The following RBM25 variants were observed in gnomAD, a reference collection of about 807,000 sequenced individuals.
RBM25 encodes the protein RNA binding motif protein 25, also known as RNA-binding protein 25.
RBM25 carries 19 observed loss-of-function variants against 120.7 expected under a neutral mutation model. The observed-to-expected ratio is 0.16, with a 90% CI of 0.11 to 0.23. The LOEUF (loss-of-function observed/expected upper bound fraction) is 0.23. Ranked by LOEUF, RBM25 falls within the 10% of genes least tolerant of loss-of-function variation. RBM25 has a pLI of 1.00. For synonymous variants in RBM25, 390 were observed against 326.7 expected (o/e 1.19, Z -2.09); for missense variants, 605 against 1,041.5 (o/e 0.58, Z 5.77).
intron 13 of RBM25, among the ~76,000 whole-genome samples, chr14:73,108,807 A>G (rs1896243752): frequency 6.6e-6 from 1 of 152,232 alleles, no homozygotes; most frequent in Non-Finnish European, 1.5e-5. Flanking sequence ...AATCAGTAAA[A>G]TATTGAAGGC....
Position 73,119,868 on chromosome 14 carries a change from A to G in RBM25, c.*63A>G, listed in dbSNP as rs1448151738. ...TTTGCCACCCTTTTAAGGACTTTGA[A>G]TTTTTCTTTGTCTTTGAAGACATTG... is the stretch of plus-strand genomic sequence containing the variant. On this transcript the variant is annotated 3_prime_UTR_variant, in exon 19 of 19. Coordinates refer to ENST00000261973, the MANE Select transcript of RBM25 (RefSeq NM_021239.3). The G allele has an allele frequency of 6.5e-7, 1 of 1,534,042 alleles. No individual in the cohort carries two copies. The highest frequency in any genetic ancestry group is 2.4e-5 in the East Asian group (1 of 42,008).
At chr14:73,108,003 C>G (rs1293660672) in intron 13 of RBM25, 104 bp downstream of exon 13, 5 of 751,122 alleles carry the variant, frequency 6.7e-6, no homozygotes, top group Non-Finnish European at 1.1e-5. Flanking sequence ...ATAAGAAAAA[C>G]AAACTTTCAC....
chr14:73,092,332 A>G (rs1895837292), intron 6 of RBM25, among the ~76,000 whole-genome samples: 1 of 152,134 alleles, frequency 6.6e-6, no homozygotes, highest in East Asian at 1.9e-4. Context: ...GTATAAAAAT[A>G]TGACATGGTG....
rs752493053 is a variant in RBM25 at position 73,099,688 on chromosome 14, A to G, written c.805A>G (p.Met269Val). ...ITKEDINAIE[M>V]EEDKRDLISR... The stretch of plus-strand genomic sequence containing the variant: ...TTAGGAGGATATAAATGCTATAGAA[A>G]TGGAAGAAGACAAAAGAGACCTGAT... The change falls in exon 9 of 19, where the codon ATG (methionine) becomes GTG (valine). Residue 269 changes from methionine (M) to valine (V), a missense_variant. Transcript: ENST00000261973. 2 of 1,604,838 alleles carry G rather than the reference A, an allele frequency of 1.2e-6. No individual in the cohort carries two copies. Among genetic ancestry groups the G allele is most frequent in the East Asian group, 2.2e-5 (1 of 44,734 alleles).
chr14:73,076,443 T>C, intron 3 of RBM25, 75 bp downstream of exon 3: 1 of 1,297,812 alleles, frequency 7.7e-7, no homozygotes, highest in Non-Finnish European at 1.1e-6. Context: ...ATGATAAACT[T>C]AGATAAATTA....
rs1895270657 is a variant in RBM25, at chr14:73,070,837, C to T, written c.-15-790C>T. Reference sequence around the variant, plus strand: ...TGGCGCGCACATGTAATCCCAGCTACTCAGGAAGCTGAGGCAGGAGAATTG... The same window carrying T: ...TGGCGCGCACATGTAATCCCAGCTATTCAGGAAGCTGAGGCAGGAGAATTG... On this transcript the variant is annotated intron_variant, in intron 1 of 18. Coordinates refer to ENST00000261973, the MANE Select transcript of RBM25 (RefSeq NM_021239.3). 2.0e-5 allele frequency among the ~76,000 whole-genome samples: 3 copies of T among 150,494 alleles called. No individual in the cohort carries two copies. In the South Asian group the frequency reaches 6.3e-4, roughly 32 times the overall value.
Position 73,122,138 on chromosome 14 carries a change from T to C in RBM25, c.*2333T>C, listed in dbSNP as rs1454789065. 3 of 152,198 alleles carry C rather than the reference T, an allele frequency of 2.0e-5. No individual in the cohort carries two copies. Among genetic ancestry groups the C allele is most frequent in the Non-Finnish European group, 4.4e-5 (3 of 68,024 alleles). The allele number at this position is 152,198 out of a possible 1,614,324, so 9.4% of individuals were successfully genotyped here. A position where few individuals can be genotyped will look rare whatever the true frequency, so the allele number is the denominator to read the frequency against. ...ATACACATAAGAAATTTCTATTAAG[T>C]TGCTTGAACTTTGTGGGTTAATTTT... On this transcript the variant is annotated 3_prime_UTR_variant, in exon 19 of 19. Transcript: ENST00000261973.
chr14:73,068,339 C>T (rs537343306), intron 1 of RBM25: 7 of 719,542 alleles, frequency 9.7e-6, no homozygotes, highest in East Asian at 5.6e-5. Context: ...TGTGCCTTTT[C>T]GTCTTGGCAG....
chr14:73,112,784 T>A (rs1049211593), intron 17 of RBM25, among the ~76,000 whole-genome samples: 3 of 152,066 alleles, frequency 2.0e-5, no homozygotes, highest in Non-Finnish European at 4.4e-5. Flanking sequence ...TGTTTTGTTT[T>A]GTTTTGTTTT....
At chr14:73,068,742 A>C in intron 1 of RBM25, 1 of 280,990 alleles carries the variant, frequency 3.6e-6, no homozygotes, top group African/African-American at 2.2e-5. Flanking sequence ...CCCTCTCCTA[A>C]TTTTTGTATT....
intron 7 of RBM25, among the ~76,000 whole-genome samples, chr14:73,098,605 G>A (rs1360138466): frequency 6.6e-6 from 1 of 152,070 alleles, no homozygotes; most frequent in Non-Finnish European, 1.5e-5. Context: ...TTTGGTATGT[G>A]TTTCCTCGTT....
chr14:73,103,321 C>T lies in RBM25; in HGVS notation c.997C>T (p.Arg333Cys). 2 of 1,584,538 alleles carry T rather than the reference C, an allele frequency of 1.3e-6. No homozygotes were observed. Among genetic ancestry groups the T allele is most frequent in the Non-Finnish European group, 1.7e-6 (2 of 1,164,136 alleles). Residue 333 changes from arginine to cysteine, a missense_variant, in exon 10 of 19, where the codon CGT (arginine) becomes TGT (cysteine). Physicochemically the swap from Arg to Cys is radical, Grantham distance 180 (BLOSUM62 -3). Coordinates refer to ENST00000261973, the MANE Select transcript of RBM25 (RefSeq NM_021239.3). ...ACGGGAACGAGAAAGGGAAAGAGAA[C>T]GTGAACGAGAAAAGGAGAAAGAACG... ...RERERERERE[R>C]EREKEKERER...
In RBM25 at chr14:73,111,000, G is replaced by C; in HGVS notation, c.1862G>C (p.Ser621Thr). 7 of 1,614,078 alleles carry C rather than the reference G, an allele frequency of 4.3e-6. No homozygotes were observed. The highest frequency in any genetic ancestry group is 5.9e-6 in the Non-Finnish European group (7 of 1,179,962). The change falls in exon 15 of 19, where the codon AGC becomes ACC. Residue 621 changes from serine (S) to threonine (T), a missense_variant. Coordinates refer to ENST00000261973, the MANE Select transcript of RBM25 (RefSeq NM_021239.3). ...CTGAAACCTACTCTGAGGCCCATCA[G>C]CTCTGCTCCATCTGTTTCCTCTGCC... ...PCLKPTLRPI[S>T]SAPSVSSASG... is the part of the protein sequence containing the mutation.
intron 8 of RBM25, 66 bp from the exon 9 acceptor site, chr14:73,099,601 C>T: frequency 6.3e-7 from 1 of 1,584,616 alleles, no homozygotes; most frequent in Non-Finnish European, 8.5e-7. Flanking sequence ...AATATCTAAC[C>T]TTTAACTGTT....
At chr14:73,093,975 A>G (rs1895877266) in intron 6 of RBM25, among the ~76,000 whole-genome samples, 2 of 135,396 alleles carry the variant, frequency 1.5e-5, no homozygotes, top group African/African-American at 5.8e-5. Context: ...TTCTTGAGAC[A>G]GAGTCTCACT....
At chr14:73,085,769 T>C (rs979445653) in intron 5 of RBM25, among the ~76,000 whole-genome samples, 2 of 152,148 alleles carry the variant, frequency 1.3e-5, no homozygotes, top group South Asian at 2.1e-4. Flanking sequence ...TAATACAGAA[T>C]AGGCAGGATA....
chr14:73,089,383 GTC>G (rs1452738921), intron 6 of RBM25, among the ~76,000 whole-genome samples: 1 of 152,046 alleles, frequency 6.6e-6, no homozygotes, highest in South Asian at 2.1e-4. Flanking sequence ...TTGAGACAGA[GTC>G]TCTCTGTCGT....
At chr14:73,112,791 TTTTTTGTTTTTTG>T (rs1245885882) in intron 17 of RBM25, among the ~76,000 whole-genome samples, 1 of 151,798 alleles carries the variant, frequency 6.6e-6, no homozygotes, top group Non-Finnish European at 1.5e-5. Context: ...TTTTGTTTTG[TTTTTTGTTTTTTG>T]TTTTTGTTTT....
At chr14:73,118,104 T>G (rs1896472599) in intron 18 of RBM25, among the ~76,000 whole-genome samples, 1 of 152,226 alleles carries the variant, frequency 6.6e-6, no homozygotes, top group Non-Finnish European at 1.5e-5. Context: ...TTTACTGTAT[T>G]CTGGACACTG....
Sources: gnomAD v4.1 joint callset for allele counts (sites outside exome capture counted in the v4.1 genomes callset) on GRCh38, gnomAD v4.1.1 for gene constraint, MANE v1.5 for transcripts, NCBI Gene and HGNC (gene_info 2026-07-23, HGNC 2026-07-21) for gene names.